Variants in HS6ST3 observed in about 807,000 individuals in gnomAD.
HS6ST3 encodes heparan sulfate 6-O-sulfotransferase 3.
Under a neutral mutation model 36.7 loss-of-function variants are expected in HS6ST3, and 12 were observed. The observed-to-expected ratio is 0.33, with a 90% CI of 0.21 to 0.53. The LOEUF (loss-of-function observed/expected upper bound fraction) is 0.53. Among genes scored for constraint, HS6ST3 ranks in the 20% least tolerant of loss-of-function variants. HS6ST3 has a pLI of 0.95. For missense variants in HS6ST3, 584 were observed against 640.9 expected (o/e 0.91, Z 0.96); for synonymous variants, 240 against 257.5 (o/e 0.93, Z 0.65).
intron 1 of HS6ST3, among the ~76,000 whole-genome samples, chr13:96,128,854 C>CTT (rs1248071699): frequency 4.3e-5 from 6 of 141,040 alleles, no homozygotes; most frequent in African/African-American, 1.4e-4. Context: ...TTCCCCTGTG[C>CTT]TTTTTTTTTT....
chr13:96,588,698 T>C (rs971349818), intron 1 of HS6ST3, among the ~76,000 whole-genome samples: 2 of 152,150 alleles, frequency 1.3e-5, no homozygotes, highest in African/African-American at 4.8e-5. Context: ...ATTTTTATTT[T>C]TGTAGTATGT....
intron 1 of HS6ST3, among the ~76,000 whole-genome samples, chr13:96,398,322 A>G (rs985500465): frequency 4.6e-5 from 7 of 152,062 alleles, no homozygotes; most frequent in Admixed American, 1.3e-4. Context: ...TTTCTCTGTT[A>G]CCCAGGCTAG....
chr13:96,399,449 A>G (rs1354254752), intron 1 of HS6ST3, among the ~76,000 whole-genome samples: 3 of 152,220 alleles, frequency 2.0e-5, no homozygotes, highest in Admixed American at 6.5e-5. Flanking sequence ...ACACCTCTTT[A>G]TACAACATTG....
At chr13:96,132,121 TACACACACACACACACACACAC>T (rs60692669) in intron 1 of HS6ST3, among the ~76,000 whole-genome samples, 45 of 134,598 alleles carry the variant, frequency 3.3e-4, no homozygotes, top group Middle Eastern at 3.6e-3. Flanking sequence ...AGTATTCCAG[TACACACACACACACACACACAC>T]ACACACACAC....
At chr13:96,121,492 G>A (rs1226948644) in intron 1 of HS6ST3, among the ~76,000 whole-genome samples, 1 of 152,182 alleles carries the variant, frequency 6.6e-6, no homozygotes, top group African/African-American at 2.4e-5. Flanking sequence ...CCTTTGGGCA[G>A]GTGGAACTTC....
intron 1 of HS6ST3, among the ~76,000 whole-genome samples, chr13:96,704,233 G>A (rs1467212134): frequency 1.3e-5 from 2 of 152,130 alleles, no homozygotes; most frequent in Non-Finnish European, 2.9e-5. Context: ...CTAACTTTAA[G>A]GAGATCAGAT....
intron 1 of HS6ST3, among the ~76,000 whole-genome samples, chr13:96,640,889 T>C (rs929419079): frequency 1.3e-5 from 2 of 152,016 alleles, no homozygotes; most frequent in Admixed American, 6.6e-5. Flanking sequence ...CTAGATTGTC[T>C]GTTCTGTTCT....
intron 1 of HS6ST3, among the ~76,000 whole-genome samples, chr13:96,422,910 A>C (rs190728503): frequency 1.2e-4 from 18 of 152,346 alleles, no homozygotes; most frequent in Non-Finnish European, 1.5e-5. Context: ...TAGCTTATGT[A>C]ATACTATCAA....
chr13:96,276,108 T>G (rs1341356241), intron 1 of HS6ST3, among the ~76,000 whole-genome samples: 1 of 152,178 alleles, frequency 6.6e-6, no homozygotes, highest in Non-Finnish European at 1.5e-5. Flanking sequence ...CAGCATGCCT[T>G]GATAGCCTCT....
intron 1 of HS6ST3, among the ~76,000 whole-genome samples, chr13:96,324,999 C>A (rs950810723): frequency 2.0e-5 from 3 of 152,116 alleles, no homozygotes; most frequent in African/African-American, 7.2e-5. Context: ...TTAGGATGGA[C>A]AATTTGTTTA....
intron 1 of HS6ST3, among the ~76,000 whole-genome samples, chr13:96,241,946 C>T (rs371818401): frequency 4.0e-5 from 6 of 151,630 alleles, no homozygotes; most frequent in Non-Finnish European, 7.4e-5. Context: ...CCACCATGCC[C>T]GGCTAATTTT....
chr13:96,799,786 A>G lies in HS6ST3; in HGVS notation c.708-32704A>G, dbSNP rs1877999216. ...CCCTAAAACTTAAAGTATAATAATA[A>G]AAAAAAAAAACTGTGAACATATTTA... On this transcript the variant is annotated intron_variant, in intron 1 of 1. Coordinates refer to ENST00000376705, the MANE Select transcript of HS6ST3 (RefSeq NM_153456.4). 2.8e-5 allele frequency among the ~76,000 whole-genome samples: 3 copies of G among 108,900 alleles called. 1 individual carries two copies. The South Asian group carries it at 8.0e-4, about 29-fold the overall frequency. 71.4% of individuals were successfully genotyped at this position (108,900 alleles called of 152,430 possible).
At chr13:96,513,716 A>T (rs1244970060) in intron 1 of HS6ST3, among the ~76,000 whole-genome samples, 1 of 152,096 alleles carries the variant, frequency 6.6e-6, no homozygotes, top group African/African-American at 2.4e-5. Flanking sequence ...CTTTCTGAGA[A>T]ATGCATTGTC....
chr13:96,260,365 G>T (rs765617314), intron 1 of HS6ST3, among the ~76,000 whole-genome samples: 1 of 148,164 alleles, frequency 6.7e-6, no homozygotes, highest in Non-Finnish European at 1.5e-5. Flanking sequence ...AGGCTGGAGT[G>T]CAGTGGCACA....
At chr13:96,145,940 G>A (rs1157155583) in intron 1 of HS6ST3, among the ~76,000 whole-genome samples, 1 of 152,088 alleles carries the variant, frequency 6.6e-6, no homozygotes. Context: ...TTTTTGTCAG[G>A]TTTGTCAAAG....
intron 1 of HS6ST3, among the ~76,000 whole-genome samples, chr13:96,258,937 C>A (rs139913887): frequency 6.6e-6 from 1 of 152,064 alleles, no homozygotes; most frequent in African/African-American, 2.4e-5. Context: ...TATGGGTGCA[C>A]AAATGAGGAA....
chr13:96,828,015 G>A (rs1266821774), intron 1 of HS6ST3, among the ~76,000 whole-genome samples: 1 of 152,126 alleles, frequency 6.6e-6, no homozygotes, highest in African/African-American at 2.4e-5. Context: ...CTTCCTCTTG[G>A]AGCCCAGAAG....
chr13:96,295,320 A>G (rs1004934867), intron 1 of HS6ST3, among the ~76,000 whole-genome samples: 8 of 152,150 alleles, frequency 5.3e-5, no homozygotes, highest in African/African-American at 1.9e-4. Context: ...ATTTTTAAAG[A>G]AACATTTTAA....
intron 1 of HS6ST3, among the ~76,000 whole-genome samples, chr13:96,118,683 TATATA>T (rs1162049425): frequency 9.0e-5 from 2 of 22,194 alleles, no homozygotes; most frequent in African/African-American, 2.0e-4. Flanking sequence ...TATATATATA[TATATA>T]TTTTTTTTTT....
Sources: allele counts gnomAD v4.1 joint callset (sites outside exome capture counted in the v4.1 genomes callset), GRCh38; gene constraint gnomAD v4.1.1; transcripts MANE v1.5; gene names NCBI Gene and HGNC (gene_info 2026-07-23, HGNC 2026-07-21).